Variants in LEPR observed in about 807,000 individuals in gnomAD.
The protein encoded by LEPR is OB receptor.
In LEPR, 56 loss-of-function variants were observed where a neutral mutation model predicts 114.7. The observed-to-expected ratio is 0.49, with a 90% CI of 0.39 to 0.61. The LOEUF is 0.61. Among genes scored for constraint, LEPR ranks in the 20% least tolerant of loss-of-function variants. LEPR has a pLI of 0.00. For missense variants in LEPR, 1,202 were observed against 1,352.9 expected, an observed-to-expected ratio of 0.89 and a Z score of 1.75; for synonymous variants, 443 against 461.4, an observed-to-expected ratio of 0.96 and a Z score of 0.51.
chr1:65,550,173 A>G (rs966213888), intron 2 of LEPR, among the ~76,000 whole-genome samples: 6 of 152,082 alleles, frequency 3.9e-5, no homozygotes, highest in African/African-American at 1.4e-4. Context: ...TTCCTCTGGA[A>G]GTTTTGTCTC....
At position 65,626,227 on chromosome 1, in the gene LEPR, G is replaced by A. The variant is rs1658208691; in HGVS notation, c.2673+3246G>A. On this transcript the variant is annotated intron_variant, in intron 19 of 19. Transcript: ENST00000349533. ...GCCGCACCTGCTCTCCCTGAGGTGT[G>A]CACAATGCTGCCACAGGTCATCTGA... is the stretch of plus-strand genomic sequence containing the variant. 29 of 1,533,008 alleles carry A rather than the reference G, an allele frequency of 1.9e-5. No individual in the cohort carries two copies. In the South Asian group the frequency reaches 3.8e-4, roughly 20 times the overall value. The allele number at this position is 1,533,008 out of a possible 1,614,324, so 95.0% of individuals were successfully genotyped here. A position where few individuals can be genotyped will look rare whatever the true frequency, so the allele number is the denominator to read the frequency against.
At chr1:65,525,344 G>T (rs939202341) in intron 2 of LEPR, among the ~76,000 whole-genome samples, 7 of 152,164 alleles carry the variant, frequency 4.6e-5, no homozygotes, top group Non-Finnish European at 1.0e-4. Flanking sequence ...GTCCGGGGTG[G>T]GGGGGTACTG....
chr1:65,438,788 A>G (rs1646606748), intron 2 of LEPR, among the ~76,000 whole-genome samples: 2 of 152,120 alleles, frequency 1.3e-5, no homozygotes, highest in African/African-American at 4.8e-5. Flanking sequence ...AAAGCAGTCC[A>G]TTTTTATGAG....
At chr1:65,463,840 G>A (rs116330886) in intron 2 of LEPR, among the ~76,000 whole-genome samples, 3,397 of 152,080 alleles carry the variant, frequency 0.022, 76 homozygotes, top group South Asian at 0.091. Context: ...TTATTGGTGT[G>A]TAGGAGTTCT....
intron 19 of LEPR, chr1:65,634,665 T>C: frequency 2.0e-6 from 2 of 978,086 alleles, no homozygotes; most frequent in Non-Finnish European, 2.4e-6. Context: ...ACACATCATT[T>C]GAAGGACATA....
chr1:65,601,790 T>A, intron 9 of LEPR, 53 bp from the exon 10 acceptor site: 1 of 1,580,820 alleles, frequency 6.3e-7, no homozygotes, highest in Non-Finnish European at 8.6e-7. Context: ...TTTTTTTCAT[T>A]GAATTTTTTG....
intron 19 of LEPR, among the ~76,000 whole-genome samples, chr1:65,627,677 T>A (rs943180607): frequency 2.0e-5 from 3 of 152,152 alleles, no homozygotes; most frequent in African/African-American, 7.2e-5. Context: ...AGCAGTATTA[T>A]TCATAATAGC....
rs771522003 is a variant in LEPR, at chr1:65,608,901, G to T, written c.1752G>T (p.Lys584Asn). ...TAAGTGGAAAAGAAGTACAATGGAAGGTACCTTTTACTTAGAACTTCAGCT... is the reference window on the plus strand; with the variant it reads ...TAAGTGGAAAAGAAGTACAATGGAATGTACCTTTTACTTAGAACTTCAGCT... ...YGLSGKEVQW[K>N]MYEVYDAKSK... The change falls in exon 12 of 20, where the codon AAG (lysine) becomes AAT (asparagine). Residue 584 changes from lysine (K) to asparagine (N), a missense_variant and splice_region_variant. Lys to Asn is a moderately conservative substitution (Grantham distance 94). Transcript: ENST00000349533. 6.2e-7 allele frequency: 1 copy of T among 1,613,414 alleles called. No homozygotes were observed. Among genetic ancestry groups the T allele is most frequent in the Non-Finnish European group, 8.5e-7 (1 of 1,179,702 alleles).
rs1380895266 is a variant in LEPR, at chr1:65,601,579, C to G, written c.1182C>G (p.Phe394Leu). 2 of 1,613,606 alleles carry G rather than the reference C, an allele frequency of 1.2e-6. No homozygotes were observed. The highest frequency in any genetic ancestry group is 1.7e-6 in the Non-Finnish European group (2 of 1,179,774). ...ATCATGTTAGCAAAGTTACTTTTTT[C>G]AATCTGAATGAAACCAAACCTCGAG... ...VSDHVSKVTF[F>L]NLNETKPRGK... The change falls in exon 9 of 20, where the codon TTC becomes TTG. Residue 394 changes from phenylalanine to leucine, a missense_variant. Transcript: ENST00000349533.
Position 65,430,132 on chromosome 1 carries a change from A to G in LEPR, c.-21+4754A>G, listed in dbSNP as rs372011974. On this transcript the variant is annotated intron_variant, in intron 2 of 19. Transcript: ENST00000349533. ...TGTCTGGGACCTCCATTTCATGCTC[A>G]TTACTTAGGCTTTATACTCAAGGCC... 62 of 1,227,942 alleles carry G rather than the reference A, an allele frequency of 5.0e-5. No homozygotes were observed. In the African/African-American group the frequency reaches 7.5e-4, roughly 15 times the overall value. The allele number at this position is 1,227,942 out of a possible 1,614,324, so 76.1% of individuals were successfully genotyped here.
chr1:65,476,586 C>T (rs547657416), intron 2 of LEPR, among the ~76,000 whole-genome samples: 2 of 152,134 alleles, frequency 1.3e-5, no homozygotes, highest in East Asian at 3.9e-4. Context: ...CATCCTTTAC[C>T]CATTTCTTTT....
chr1:65,602,035 A>T (rs1656474804), intron 10 of LEPR, 75 bp downstream of exon 10: 2 of 1,232,162 alleles, frequency 1.6e-6, no homozygotes, highest in Non-Finnish European at 2.4e-6. Flanking sequence ...ATATTACAAC[A>T]GTAGTCTTAC....
intron 3 of LEPR, among the ~76,000 whole-genome samples, chr1:65,568,848 C>CT (rs1190193019): frequency 6.6e-6 from 1 of 152,122 alleles, no homozygotes; most frequent in Non-Finnish European, 1.5e-5. Flanking sequence ...TATTTTTTGA[C>CT]TTTTTAATAA....
chr1:65,568,617 T>G (rs1653940390), intron 3 of LEPR, among the ~76,000 whole-genome samples: 2 of 152,148 alleles, frequency 1.3e-5, no homozygotes, highest in African/African-American at 2.4e-5. Flanking sequence ...CTATTGTGAA[T>G]AGTGCTGTGA....
At chr1:65,482,621 A>G (rs1443828514) in intron 2 of LEPR, among the ~76,000 whole-genome samples, 1 of 152,186 alleles carries the variant, frequency 6.6e-6, no homozygotes, top group Non-Finnish European at 1.5e-5. Context: ...ATAATTGGTT[A>G]CTTACATGGA....
At chr1:65,507,731 A>G (rs939120302) in intron 2 of LEPR, among the ~76,000 whole-genome samples, 1 of 151,944 alleles carries the variant, frequency 6.6e-6, no homozygotes, top group African/African-American at 2.4e-5. Flanking sequence ...CATAAGGTAA[A>G]TCTATTTTTA....
intron 2 of LEPR, among the ~76,000 whole-genome samples, chr1:65,509,672 T>C (rs1286580139): frequency 6.6e-6 from 1 of 152,204 alleles, no homozygotes; most frequent in Non-Finnish European, 1.5e-5. Context: ...TGTTATGTTA[T>C]GTTATATTTA....
At chr1:65,429,951 C>A in intron 2 of LEPR, 1 of 1,575,818 alleles carries the variant, frequency 6.3e-7, no homozygotes, top group Non-Finnish European at 8.7e-7. Context: ...GACTCAGATG[C>A]AACCAGTAGT....
chr1:65,520,541 T>C (rs1036219554), intron 2 of LEPR, among the ~76,000 whole-genome samples: 1 of 152,206 alleles, frequency 6.6e-6, no homozygotes, highest in Non-Finnish European at 1.5e-5. Context: ...GGCATTCCTA[T>C]GAATGATGTT....
Sources: allele counts gnomAD v4.1 joint callset (sites outside exome capture counted in the v4.1 genomes callset), GRCh38; gene constraint gnomAD v4.1.1; transcripts MANE v1.5; gene names NCBI Gene and HGNC (gene_info 2026-07-23, HGNC 2026-07-21).